The following SOBP variants were observed in gnomAD, a reference collection of about 807,000 sequenced individuals.
SOBP encodes the protein sine oculis binding protein homolog.
A neutral mutation model predicts 53.6 loss-of-function variants in SOBP; 4 were observed. The ratio of observed to expected loss-of-function variants is 0.07; its 90% CI spans 0.04 to 0.17. The LOEUF is 0.17. Ranked by LOEUF, SOBP falls within the 10% of genes least tolerant of loss-of-function variation. SOBP has a pLI of 1.00. For synonymous variants in SOBP, 584 were observed against 522.6 expected, an observed-to-expected ratio of 1.12 and a Z score of -1.60; for missense variants, 1,088 against 1,204.7, an observed-to-expected ratio of 0.90 and a Z score of 1.43.
intron 4 of SOBP, among the ~76,000 whole-genome samples, chr6:107,537,269 C>T (rs1784025999): frequency 6.6e-6 from 1 of 152,224 alleles, no homozygotes; most frequent in Non-Finnish European, 1.5e-5. Context: ...ATGTTAGTCA[C>T]TTCCAAATGG....
At chr6:107,593,536 A>G (rs1054308520) in intron 5 of SOBP, among the ~76,000 whole-genome samples, 4 of 152,182 alleles carry the variant, frequency 2.6e-5, no homozygotes, top group Non-Finnish European at 5.9e-5. Context: ...GGGAGTCCCA[A>G]TCCTTTCTCC....
At chr6:107,619,934 T>A (rs946556454) in intron 5 of SOBP, among the ~76,000 whole-genome samples, 1 of 152,152 alleles carries the variant, frequency 6.6e-6, no homozygotes, top group African/African-American at 2.4e-5. Context: ...TCATTTTTTT[T>A]AGCAGAGGGT....
intron 4 of SOBP, among the ~76,000 whole-genome samples, chr6:107,551,505 A>C (rs1289038404): frequency 6.6e-6 from 1 of 152,232 alleles, no homozygotes; most frequent in Non-Finnish European, 1.5e-5. Flanking sequence ...GGTATCAATG[A>C]AGATTTTCAT....
chr6:107,620,189 G>A (rs933924943), intron 5 of SOBP, among the ~76,000 whole-genome samples: 2 of 152,178 alleles, frequency 1.3e-5, no homozygotes, highest in Non-Finnish European at 2.9e-5. Context: ...AGGCATCCTT[G>A]CTTCCTGATT....
chr6:107,550,381 C>T (rs569463552), intron 4 of SOBP, among the ~76,000 whole-genome samples: 1 of 152,296 alleles, frequency 6.6e-6, no homozygotes, highest in Admixed American at 6.5e-5. Context: ...GTGAATTGTC[C>T]TGTGCTTGTG....
chr6:107,510,636 C>T (rs940261373), intron 3 of SOBP: 1 of 152,148 alleles, frequency 6.6e-6, no homozygotes, highest in Non-Finnish European at 1.5e-5. Flanking sequence ...AACAAATTAT[C>T]AAAAACTTCC....
intron 5 of SOBP, among the ~76,000 whole-genome samples, chr6:107,615,467 T>C (rs1001880084): frequency 6.6e-6 from 1 of 152,142 alleles, no homozygotes; most frequent in Non-Finnish European, 1.5e-5. Context: ...AGCCTTTGGG[T>C]ATGGGGCAAA....
chr6:107,525,453 A>C (rs1370258146), intron 3 of SOBP, among the ~76,000 whole-genome samples: 1 of 152,178 alleles, frequency 6.6e-6, no homozygotes, highest in Non-Finnish European at 1.5e-5. Context: ...TCTTCATTGG[A>C]GTACGGGAGA....
At chr6:107,565,479 G>C (rs1784888097) in intron 4 of SOBP, among the ~76,000 whole-genome samples, 1 of 151,480 alleles carries the variant, frequency 6.6e-6, no homozygotes, top group Non-Finnish European at 1.5e-5. Context: ...ATGATAGGTG[G>C]ATGGAGTGGG....
intron 4 of SOBP, among the ~76,000 whole-genome samples, chr6:107,536,263 T>C (rs1413348161): frequency 1.3e-5 from 2 of 152,234 alleles, no homozygotes; most frequent in Non-Finnish European, 2.9e-5. Context: ...TGCATAACTT[T>C]ACAAAGAAAA....
At chr6:107,571,841 G>A (rs560773341) in intron 4 of SOBP, among the ~76,000 whole-genome samples, 26 of 152,264 alleles carry the variant, frequency 1.7e-4, no homozygotes, top group African/African-American at 6.0e-4. Context: ...ATCTTTGTAA[G>A]CATCAGATTC....
At position 107,606,049 on chromosome 6, in the gene SOBP, T is replaced by C. The variant is rs926336382; in HGVS notation, c.669+18874T>C. On this transcript the variant is annotated intron_variant, in intron 5 of 6. Transcript: ENST00000317357. ...TCTTTCATAGCCATTGAGAAACATATTGTGTAGATCAGATAGGCTCCTTTT... is the reference window on the plus strand; with the variant it reads ...TCTTTCATAGCCATTGAGAAACATACTGTGTAGATCAGATAGGCTCCTTTT... Among the ~76,000 whole-genome samples, 3 of 151,300 alleles carry C rather than the reference T, an allele frequency of 2.0e-5. No individual in the cohort carries two copies. The South Asian group carries it at 6.3e-4, about 32-fold the overall frequency.
intron 6 of SOBP, among the ~76,000 whole-genome samples, chr6:107,657,792 A>G (rs1437646634): frequency 6.6e-6 from 1 of 151,424 alleles, no homozygotes; most frequent in Admixed American, 6.6e-5. Context: ...GCAGTGAGCC[A>G]GTTGCACCAC....
intron 4 of SOBP, among the ~76,000 whole-genome samples, chr6:107,557,132 G>A (rs1415167637): frequency 6.6e-6 from 1 of 152,086 alleles, no homozygotes; most frequent in East Asian, 1.9e-4. Context: ...GCTGTCGCAA[G>A]TGACCATTTT....
intron 6 of SOBP, among the ~76,000 whole-genome samples, chr6:107,656,317 A>C (rs781091813): frequency 0.23 from 9,099 of 39,170 alleles, 468 homozygotes; most frequent in East Asian, 0.43. Context: ...GAAAGAAAGA[A>C]AGAAAGAAAG....
intron 4 of SOBP, among the ~76,000 whole-genome samples, chr6:107,544,004 C>A (rs1179438618): frequency 2.0e-5 from 3 of 152,210 alleles, no homozygotes; most frequent in African/African-American, 7.2e-5. Context: ...GGTGCCATTA[C>A]AGCAGCAGAT....
At chr6:107,515,759 A>G (rs1417561022) in intron 3 of SOBP, among the ~76,000 whole-genome samples, 1 of 152,196 alleles carries the variant, frequency 6.6e-6, no homozygotes, top group Non-Finnish European at 1.5e-5. Flanking sequence ...AAAACAAAAA[A>G]AGAAGGAAAA....
At chr6:107,561,213 C>T (rs946937176) in intron 4 of SOBP, among the ~76,000 whole-genome samples, 2 of 152,098 alleles carry the variant, frequency 1.3e-5, no homozygotes, top group African/African-American at 4.8e-5. Flanking sequence ...TGAGACATTT[C>T]AGCTAAACTT....
rs746427265 is a variant in SOBP at position 107,634,728 on chromosome 6, C to A, written c.1884C>A (p.Gly628=). The A allele has an allele frequency of 2.2e-6, 3 of 1,356,856 alleles. No individual in the cohort carries two copies. The highest frequency in any genetic ancestry group is 1.9e-6 in the Non-Finnish European group (2 of 1,064,144). 84.1% of individuals were successfully genotyped at this position (1,356,856 alleles called of 1,614,324 possible). ...TGGTGGACCTGACGCGGCGCGCCGGCAGCCCCCCGGGCCCCCCGGGCGCGG... is the reference window on the plus strand; with the variant it reads ...TGGTGGACCTGACGCGGCGCGCCGGAAGCCCCCCGGGCCCCCCGGGCGCGG... The part of the protein sequence containing the change: ...SEVVDLTRRA[G]SPPGPPGAGG... Residue 628 remains glycine (G), a synonymous_variant, in exon 6 of 7, where the codon GGC becomes GGA. Transcript: ENST00000317357. The surrounding 1 kb of genome is among the most constrained non-coding windows in gnomAD (Gnocchi z 4.5).
Sources: gnomAD v4.1 joint callset for allele counts (sites outside exome capture counted in the v4.1 genomes callset) on GRCh38, gnomAD v4.1.1 for gene constraint, Gnocchi (gnomAD v3.1) non-coding constraint, MANE v1.5 for transcripts, NCBI Gene and HGNC (gene_info 2026-07-23, HGNC 2026-07-21) for gene names.